The following TAFA5 variants were observed in gnomAD, a reference collection of about 807,000 sequenced individuals.
TAFA5 encodes chemokine-like protein TAFA-5.
A neutral mutation model predicts 15.3 loss-of-function variants in TAFA5; 6 were observed. The ratio of observed to expected loss-of-function variants is 0.39; its 90% CI spans 0.21 to 0.77. The LOEUF (loss-of-function observed/expected upper bound fraction) is 0.77, where lower values mean the gene tolerates loss of function less well. TAFA5 is among the 30% of genes least tolerant of loss of function. The probability of loss-of-function intolerance (pLI) is 0.41; values close to 1 mark genes in which losing one functional copy is unlikely to be tolerated. For missense variants in TAFA5, 161 were observed against 193.1 expected, an observed-to-expected ratio of 0.83 and a Z score of 0.98; for synonymous variants, 103 against 80.7, an observed-to-expected ratio of 1.28 and a Z score of -1.48.
chr22:48,702,112 A>G (rs1004272004), intron 2 of TAFA5, among the ~76,000 whole-genome samples: 3 of 136,306 alleles, frequency 2.2e-5, no homozygotes, highest in African/African-American at 9.4e-5. Context: ...GAGGGCACAC[A>G]GTGGACTTGT....
intron 1 of TAFA5, among the ~76,000 whole-genome samples, chr22:48,561,709 G>A (rs1923237159): frequency 6.6e-6 from 1 of 152,212 alleles, no homozygotes; most frequent in South Asian, 2.1e-4. Flanking sequence ...ATGGGCCACT[G>A]GCACAAACAA....
At chr22:48,734,399 T>A (rs1194420823) in intron 3 of TAFA5, among the ~76,000 whole-genome samples, 1 of 152,272 alleles carries the variant, frequency 6.6e-6, no homozygotes, top group East Asian at 1.9e-4. Flanking sequence ...TTTCACAAGA[T>A]GATTTTACGT....
At chr22:48,679,866 T>A (rs1928122634) in intron 2 of TAFA5, among the ~76,000 whole-genome samples, 1 of 152,116 alleles carries the variant, frequency 6.6e-6, no homozygotes, top group African/African-American at 2.4e-5. Flanking sequence ...GCCCAAGCAC[T>A]CTCAGGGTTC....
intron 1 of TAFA5, among the ~76,000 whole-genome samples, chr22:48,634,091 C>T (rs1432240407): frequency 1.3e-5 from 2 of 151,572 alleles, no homozygotes; most frequent in African/African-American, 4.9e-5. Context: ...AGGAGAGTCT[C>T]TGTCCCTTTC....
chr22:48,707,631 C>A, intron 2 of TAFA5, 86 bp from the exon 3 acceptor site: 1 of 1,502,010 alleles, frequency 6.7e-7, no homozygotes, highest in Non-Finnish European at 9.0e-7. Context: ...GCCCCCCCAG[C>A]CAGTGCCAGG....
intron 3 of TAFA5, among the ~76,000 whole-genome samples, chr22:48,746,712 C>T (rs1212953955): frequency 1.3e-5 from 2 of 152,154 alleles, no homozygotes; most frequent in East Asian, 3.9e-4. Flanking sequence ...TCTAGCTTGG[C>T]CTCCTACCAG....
chr22:48,718,060 G>T (rs1929454798), intron 3 of TAFA5, among the ~76,000 whole-genome samples: 3 of 152,210 alleles, frequency 2.0e-5, no homozygotes, highest in African/African-American at 7.2e-5. Context: ...TCGTGGCCTT[G>T]CATGGCCAGG....
In TAFA5 at chr22:48,683,049, C is replaced by G. The variant is rs1024474740; in HGVS notation, c.263-24668C>G. Among the ~76,000 whole-genome samples the G allele has an allele frequency of 2.0e-5, 3 of 152,252 alleles. No individual in the cohort carries two copies. In the Middle Eastern group the frequency reaches 0.01, roughly 518 times the overall value. On this transcript the variant is annotated intron_variant, in intron 2 of 3. Transcript: ENST00000402357. ...CAGCTAGTGTTCATGGAAACAGCTCCTTGCTTGCTTTCCACACTTACCTTC... is the reference window on the plus strand; with the variant it reads ...CAGCTAGTGTTCATGGAAACAGCTCGTTGCTTGCTTTCCACACTTACCTTC...
chr22:48,612,169 T>C (rs1925432244), intron 1 of TAFA5, among the ~76,000 whole-genome samples: 1 of 152,126 alleles, frequency 6.6e-6, no homozygotes, highest in African/African-American at 2.4e-5. Context: ...CTCCCCTGGG[T>C]GGCTCATCCC....
intron 3 of TAFA5, among the ~76,000 whole-genome samples, chr22:48,729,292 T>TATATAA (rs1569096805): frequency 2.6e-4 from 22 of 85,854 alleles, no homozygotes; most frequent in African/African-American, 7.7e-4. Flanking sequence ...TATATAATAA[T>TATATAA]TTTATATTTA....
chr22:48,540,468 C>T (rs1414569533), intron 1 of TAFA5, among the ~76,000 whole-genome samples: 1 of 152,182 alleles, frequency 6.6e-6, no homozygotes, highest in African/African-American at 2.4e-5. Flanking sequence ...TGCTCCAGTC[C>T]CTGGTCCCCT....
rs962338775 is a variant in TAFA5 at position 48,490,915 on chromosome 22, C to T, written c.112+1211C>T. 2.6e-5 allele frequency among the ~76,000 whole-genome samples: 4 copies of T among 152,186 alleles called. No individual in the cohort carries two copies. The highest frequency in any genetic ancestry group is 9.6e-5 in the African/African-American group (4 of 41,458). On this transcript the variant is annotated intron_variant, in intron 1 of 3. Coordinates refer to ENST00000402357, the MANE Select transcript of TAFA5 (RefSeq NM_001082967.3). This position sits in a 1 kb window ranked among gnomAD's most constrained non-coding sequence, Gnocchi z 5.8. ...ATGAGAGCACAGTGGCCCAGGGAGACCCGGGCAGCCGCGGGATCGGCCTCC... is the reference window on the plus strand; with the variant it reads ...ATGAGAGCACAGTGGCCCAGGGAGATCCGGGCAGCCGCGGGATCGGCCTCC...
At chr22:48,689,367 G>A (rs1601673996) in intron 2 of TAFA5, among the ~76,000 whole-genome samples, 1 of 152,112 alleles carries the variant, frequency 6.6e-6, no homozygotes, top group Non-Finnish European at 1.5e-5. Context: ...ACCCCCGTCT[G>A]CCTTGTCCTC....
intron 1 of TAFA5, among the ~76,000 whole-genome samples, chr22:48,636,375 A>G (rs994917582): frequency 2.6e-5 from 4 of 152,222 alleles, no homozygotes; most frequent in Admixed American, 1.3e-4. Context: ...CTGGGATTTA[A>G]TAACAAACTT....
chr22:48,539,048 G>T (rs1016130737), intron 1 of TAFA5: 2 of 228,578 alleles, frequency 8.7e-6, no homozygotes, highest in African/African-American at 2.2e-5. Context: ...TTCACAGGGG[G>T]TGGGAGCCTG....
At chr22:48,534,034 C>G (rs538927759) in intron 1 of TAFA5, among the ~76,000 whole-genome samples, 31 of 152,290 alleles carry the variant, frequency 2.0e-4, no homozygotes, top group African/African-American at 7.5e-4. Flanking sequence ...AGAAGGAACT[C>G]TCCTTTCAGG....
chr22:48,660,896 G>A (rs965740995), intron 2 of TAFA5, among the ~76,000 whole-genome samples: 1 of 151,992 alleles, frequency 6.6e-6, no homozygotes, highest in Non-Finnish European at 1.5e-5. Context: ...GCCTACAGCT[G>A]CTCTTACAGT....
intron 1 of TAFA5, among the ~76,000 whole-genome samples, chr22:48,575,451 G>A (rs1184893019): frequency 6.8e-6 from 1 of 146,334 alleles, no homozygotes; most frequent in African/African-American, 2.4e-5. Context: ...GGCCGGCAGC[G>A]ACTGCGCCGC....
At chr22:48,594,818 C>T (rs1342008842) in intron 1 of TAFA5, among the ~76,000 whole-genome samples, 2 of 152,020 alleles carry the variant, frequency 1.3e-5, no homozygotes, top group Admixed American at 6.5e-5. Context: ...CCAGGATGCT[C>T]CGCTGTCTCT....
Sources: allele counts gnomAD v4.1 joint callset (sites outside exome capture counted in the v4.1 genomes callset), GRCh38; gene constraint gnomAD v4.1.1; non-coding constraint Gnocchi (gnomAD v3.1); transcripts MANE v1.5; gene names NCBI Gene and HGNC (gene_info 2026-07-23, HGNC 2026-07-21).